The following SPIDR variants were observed in gnomAD, a reference collection of about 807,000 sequenced individuals.
SPIDR encodes the protein DNA repair-scaffolding protein.
A neutral mutation model predicts 104.6 loss-of-function variants in SPIDR; 93 were observed. The observed-to-expected ratio is 0.89, with a 90% confidence interval of 0.75 to 1.06. The LOEUF is 1.06. Ranked by LOEUF, SPIDR falls within the 50% of genes least tolerant of loss-of-function variation. SPIDR has a pLI of 0.00. For missense variants in SPIDR, 1,154 were observed against 1,111.2 expected (o/e 1.04, Z -0.55); for synonymous variants, 431 against 416.9 (o/e 1.03, Z -0.41).
intron 8 of SPIDR, among the ~76,000 whole-genome samples, chr8:47,474,917 G>C (rs1260263745): frequency 6.6e-6 from 1 of 152,142 alleles, no homozygotes; most frequent in Non-Finnish European, 1.5e-5. Flanking sequence ...TTAATTCTTT[G>C]GCTTTTAGGT....
At chr8:47,408,221 C>G (rs2063020437) in intron 7 of SPIDR, among the ~76,000 whole-genome samples, 1 of 152,068 alleles carries the variant, frequency 6.6e-6, no homozygotes, top group Non-Finnish European at 1.5e-5. Context: ...AAATTTTGTT[C>G]TATTCTTATC....
chr8:47,280,134 C>A, intron 2 of SPIDR, 117 bp downstream of exon 2: 1 of 982,756 alleles, frequency 1.0e-6, no homozygotes, highest in Non-Finnish European at 1.5e-6. Context: ...AACACTGTAA[C>A]TGGTACACTC....
chr8:47,583,163 G>T (rs550225580), intron 8 of SPIDR, among the ~76,000 whole-genome samples: 1 of 151,066 alleles, frequency 6.6e-6, no homozygotes, highest in Non-Finnish European at 1.5e-5. Flanking sequence ...AAAATTAGCC[G>T]GGCGTGGTGG....
At chr8:47,499,833 C>A (rs1390466567) in intron 8 of SPIDR, among the ~76,000 whole-genome samples, 1 of 152,070 alleles carries the variant, frequency 6.6e-6, no homozygotes, top group Non-Finnish European at 1.5e-5. Context: ...TGATGTTCCC[C>A]TTCCTGTGTC....
At chr8:47,394,594 G>T (rs556579896) in intron 5 of SPIDR, among the ~76,000 whole-genome samples, 1 of 152,138 alleles carries the variant, frequency 6.6e-6, no homozygotes, top group Non-Finnish European at 1.5e-5. Context: ...CACACACGTC[G>T]GCCCACCTCA....
intron 10 of SPIDR, among the ~76,000 whole-genome samples, chr8:47,632,723 C>G (rs181632456): frequency 3.0e-4 from 45 of 152,238 alleles, no homozygotes; most frequent in African/African-American, 1.0e-3. Flanking sequence ...TGTTTTTTGT[C>G]TTTTGTTTAG....
intron 10 of SPIDR, among the ~76,000 whole-genome samples, chr8:47,631,543 C>T (rs1019691629): frequency 6.6e-6 from 1 of 152,110 alleles, no homozygotes; most frequent in African/African-American, 2.4e-5. Flanking sequence ...TGATTCATCA[C>T]AATAAATTTA....
intron 8 of SPIDR, among the ~76,000 whole-genome samples, chr8:47,533,502 A>G (rs144084630): frequency 2.7e-3 from 416 of 152,340 alleles, no homozygotes; most frequent in Middle Eastern, 0.027. Context: ...AGTGGGAGAA[A>G]ATATTTGCAA....
chr8:47,334,717 A>G (rs1315557108), intron 5 of SPIDR, among the ~76,000 whole-genome samples: 2 of 152,082 alleles, frequency 1.3e-5, no homozygotes, highest in African/African-American at 4.8e-5. Flanking sequence ...CATTTTGACA[A>G]TTTGTCTTTT....
chr8:47,597,106 A>G (rs748427279), intron 9 of SPIDR, among the ~76,000 whole-genome samples: 10 of 152,384 alleles, frequency 6.6e-5, no homozygotes, highest in Middle Eastern at 6.8e-3. Context: ...TAAAATAACA[A>G]TAAAAAGTAT....
At chr8:47,461,817 C>A (rs1441755857) in intron 8 of SPIDR, among the ~76,000 whole-genome samples, 1 of 151,580 alleles carries the variant, frequency 6.6e-6, no homozygotes, top group Admixed American at 6.6e-5. Context: ...CCCCTCATTT[C>A]TTGTATCTTT....
chr8:47,319,626 A>G (rs1269100644), intron 5 of SPIDR, among the ~76,000 whole-genome samples: 1 of 152,208 alleles, frequency 6.6e-6, no homozygotes, highest in Admixed American at 6.5e-5. Flanking sequence ...CTCCACCCCA[A>G]ATGAACAGAA....
Position 47,618,101 on chromosome 8 carries a change from A to G in SPIDR, c.1544+18905A>G, listed in dbSNP as rs543523336. Among the ~76,000 whole-genome samples, 5 of 152,314 alleles carry G rather than the reference A, an allele frequency of 3.3e-5. No homozygotes were observed. The South Asian group carries it at 8.3e-4, about 25-fold the overall frequency. Reference sequence around the variant, plus strand: ...GGGCAAGGATCTCTAAAGTCAGGAGACCAATGCAGAGTTAACACGCTTTTG... The same window carrying G: ...GGGCAAGGATCTCTAAAGTCAGGAGGCCAATGCAGAGTTAACACGCTTTTG... On this transcript the variant is annotated intron_variant, in intron 10 of 19. Coordinates refer to ENST00000297423, the MANE Select transcript of SPIDR (RefSeq NM_001080394.4).
chr8:47,376,990 G>A (rs1223020665), intron 5 of SPIDR, among the ~76,000 whole-genome samples: 1 of 152,070 alleles, frequency 6.6e-6, no homozygotes, highest in Non-Finnish European at 1.5e-5. Context: ...CATTACAGTG[G>A]CAAGGTTGGG....
At chr8:47,507,816 A>C (rs981685686) in intron 8 of SPIDR, among the ~76,000 whole-genome samples, 7 of 152,178 alleles carry the variant, frequency 4.6e-5, no homozygotes, top group African/African-American at 1.7e-4. Context: ...TGTGTGTATC[A>C]AAAGGAAAAT....
chr8:47,424,823 C>T (rs919014561), intron 7 of SPIDR, among the ~76,000 whole-genome samples: 1 of 152,122 alleles, frequency 6.6e-6, no homozygotes, highest in African/African-American at 2.4e-5. Flanking sequence ...GTAACCTCCG[C>T]CTCCTGGGTC....
intron 8 of SPIDR, among the ~76,000 whole-genome samples, chr8:47,516,228 A>G (rs1256803652): frequency 1.3e-5 from 2 of 152,198 alleles, no homozygotes; most frequent in Admixed American, 1.3e-4. Flanking sequence ...GCAGGCATGA[A>G]CCATCATACC....
At chr8:47,699,628 C>A (rs1441219693) in intron 11 of SPIDR, among the ~76,000 whole-genome samples, 1 of 152,038 alleles carries the variant, frequency 6.6e-6, no homozygotes, top group Non-Finnish European at 1.5e-5. Context: ...GATCTCAGCT[C>A]ACTGCAACCT....
chr8:47,324,026 A>T (rs1428078762), intron 5 of SPIDR, among the ~76,000 whole-genome samples: 3 of 152,234 alleles, frequency 2.0e-5, no homozygotes, highest in African/African-American at 7.2e-5. Flanking sequence ...CTAAAAAGTT[A>T]TAATCCAATT....
Sources: gnomAD v4.1 joint callset for allele counts (sites outside exome capture counted in the v4.1 genomes callset) on GRCh38, gnomAD v4.1.1 for gene constraint, MANE v1.5 for transcripts, NCBI Gene and HGNC (gene_info 2026-07-23, HGNC 2026-07-21) for gene names.